The following SLC36A1 variants were observed in gnomAD, a reference collection of about 807,000 sequenced individuals.
SLC36A1 encodes the protein solute carrier family 36 member 1, also known as proton-coupled amino acid transporter 1.
Under a neutral mutation model 47.5 loss-of-function variants are expected in SLC36A1, and 30 were observed. The observed-to-expected ratio is 0.63, with a 90% CI of 0.47 to 0.86. SLC36A1 has a LOEUF of 0.86. Ranked by LOEUF, SLC36A1 falls within the 40% of genes least tolerant of loss-of-function variation. The pLI, the probability that SLC36A1 is intolerant of heterozygous loss-of-function variation, is 0.00. For synonymous variants in SLC36A1, 255 were observed against 249.7 expected, an observed-to-expected ratio of 1.02 and a Z score of -0.20; for missense variants, 517 against 606.0, an observed-to-expected ratio of 0.85 and a Z score of 1.54.
chr5:151,471,014 A>T (rs1197280473), intron 7 of SLC36A1: 1 of 152,250 alleles, frequency 6.6e-6, no homozygotes, highest in Non-Finnish European at 1.5e-5. Flanking sequence ...CAGGATTGCA[A>T]GAGTACATCT....
the SLC36A1 span, among the ~76,000 whole-genome samples, chr5:151,554,999 G>C: frequency 2.2e-3 from 332 of 152,312 alleles, no homozygotes; most frequent in African/African-American, 7.6e-3. Context: ...CATAATTTTA[G>C]TTCTCTGGTT....
chr5:151,370,585 C>G, the SLC36A1 span, among the ~76,000 whole-genome samples: 1 of 152,192 alleles, frequency 6.6e-6, no homozygotes, highest in Non-Finnish European at 1.5e-5. Flanking sequence ...TTGTTTGTAA[C>G]AGCAGAATAT....
chr5:151,534,568 C>T, the SLC36A1 span: 6 of 1,614,186 alleles, frequency 3.7e-6, no homozygotes, highest in Non-Finnish European at 5.1e-6. Flanking sequence ...CGGCCACCTC[C>T]ATCCGTCGCC....
the SLC36A1 span, among the ~76,000 whole-genome samples, chr5:151,355,538 A>G: frequency 6.6e-6 from 1 of 152,216 alleles, no homozygotes; most frequent in Non-Finnish European, 1.5e-5. Flanking sequence ...TGTTTACTGC[A>G]GCATTATCTG....
the SLC36A1 span, among the ~76,000 whole-genome samples, chr5:151,520,699 G>C: frequency 6.6e-6 from 1 of 152,204 alleles, no homozygotes; most frequent in East Asian, 1.9e-4. Flanking sequence ...AAAGCTCAGA[G>C]GGTTTTAACA....
the SLC36A1 span, chr5:151,521,984 A>G: frequency 1.9e-6 from 3 of 1,614,198 alleles, no homozygotes; most frequent in Non-Finnish European, 2.5e-6. Context: ...ACAGTGATGA[A>G]GATCTCCAGT....
At chr5:151,554,489 T>A in the SLC36A1 span, 1 of 1,614,168 alleles carries the variant, frequency 6.2e-7, no homozygotes, top group Non-Finnish European at 8.5e-7. Flanking sequence ...ATTAAGACCC[T>A]CATCCAGGTC....
chr5:151,436,668 C>T (rs567099385), upstream of SLC36A1, among the ~76,000 whole-genome samples: 214 of 152,060 alleles, frequency 1.4e-3, 1 homozygote, highest in African/African-American at 5.1e-3. Flanking sequence ...TTGCCATAGA[C>T]CATCTCAAAT....
intron 1 of SLC36A1, among the ~76,000 whole-genome samples, chr5:151,440,558 T>C (rs1752564824): frequency 6.9e-6 from 1 of 145,354 alleles, no homozygotes; most frequent in Non-Finnish European, 1.5e-5. Flanking sequence ...TCTTGAGGGC[T>C]TGGGATGGGT....
At chr5:151,413,405 A>C in the SLC36A1 span, among the ~76,000 whole-genome samples, 2 of 152,184 alleles carry the variant, frequency 1.3e-5, no homozygotes, top group African/African-American at 4.8e-5. Flanking sequence ...TCTGTCCTTA[A>C]GGACTTGGTG....
intron 1 of SLC36A1, among the ~76,000 whole-genome samples, chr5:151,457,892 A>C (rs1754813613): frequency 6.8e-6 from 1 of 147,636 alleles, no homozygotes; most frequent in Admixed American, 6.8e-5. Context: ...CTTGTCGCCC[A>C]GGCTGGAGTG....
intron 10 of SLC36A1, among the ~76,000 whole-genome samples, chr5:151,483,429 C>A (rs1306402929): frequency 6.7e-6 from 1 of 150,204 alleles, no homozygotes; most frequent in African/African-American, 2.5e-5. Flanking sequence ...TTTGTACACG[C>A]CACAGCTGAG....
At chr5:151,512,462 T>C in the SLC36A1 span, 1 of 1,614,244 alleles carries the variant, frequency 6.2e-7, no homozygotes, top group Non-Finnish European at 8.5e-7. This position sits in a 1 kb window ranked among gnomAD's most constrained non-coding sequence, Gnocchi z 4.1. Flanking sequence ...TTGCCCATGC[T>C]GTCAACCATC....
chr5:151,363,928 A>T, the SLC36A1 span, among the ~76,000 whole-genome samples: 46 of 152,370 alleles, frequency 3.0e-4, no homozygotes, highest in Middle Eastern at 3.4e-3. Context: ...TTATAAGCTG[A>T]TACTAGCAAC....
intron 1 of SLC36A1, among the ~76,000 whole-genome samples, chr5:151,452,908 C>A (rs866705448): frequency 7.0e-4 from 102 of 145,810 alleles, no homozygotes; most frequent in African/African-American, 2.1e-3. Flanking sequence ...AAAACAACAA[C>A]AAAAAAACAT....
chr5:151,468,130 T>C (rs1756729476), intron 7 of SLC36A1, among the ~76,000 whole-genome samples: 1 of 149,696 alleles, frequency 6.7e-6, no homozygotes, highest in Non-Finnish European at 1.5e-5. Flanking sequence ...GGTGTGGGCC[T>C]AATCTCAGCT....
chr5:151,360,744 C>A, the SLC36A1 span, among the ~76,000 whole-genome samples: 1 of 152,218 alleles, frequency 6.6e-6, no homozygotes, highest in East Asian at 1.9e-4. Flanking sequence ...AGTCTTCAAT[C>A]ACCAGAACCC....
chr5:151,534,563 A>T, the SLC36A1 span: 19 of 1,613,740 alleles, frequency 1.2e-5, no homozygotes, highest in Non-Finnish European at 1.6e-5. Flanking sequence ...ACGATCGGCC[A>T]CCTCCATCCG....
chr5:151,494,663 A>G (rs1303437888), downstream of SLC36A1, among the ~76,000 whole-genome samples: 2 of 152,186 alleles, frequency 1.3e-5, no homozygotes, highest in Non-Finnish European at 2.9e-5. Flanking sequence ...AGTAGTATCT[A>G]TTGCGTGGAT....
Sources: gnomAD v4.1 joint callset for allele counts (sites outside exome capture counted in the v4.1 genomes callset) on GRCh38, gnomAD v4.1.1 for gene constraint, Gnocchi (gnomAD v3.1) non-coding constraint, MANE v1.5 for transcripts, NCBI Gene and HGNC (gene_info 2026-07-23, HGNC 2026-07-21) for gene names.